THAP4: variants seen among roughly 807,000 people sequenced by gnomAD.
THAP4 encodes peroxynitrite isomerase THAP4.
A neutral mutation model predicts 48.1 loss-of-function variants in THAP4; 18 were observed. That is an observed-to-expected ratio of 0.37 (90% CI 0.26 to 0.56). The LOEUF (loss-of-function observed/expected upper bound fraction) is 0.56, where lower values mean the gene tolerates loss of function less well. Among genes scored for constraint, THAP4 ranks in the 20% least tolerant of loss-of-function variants. The pLI is 0.78. For missense variants in THAP4, 656 were observed against 774.9 expected (o/e 0.85, Z 1.82); for synonymous variants, 345 against 324.9 (o/e 1.06, Z -0.66).
chr2:241,592,958 G>T (rs2067004293), intron 5 of THAP4, among the ~76,000 whole-genome samples: 1 of 152,168 alleles, frequency 6.6e-6, no homozygotes. Flanking sequence ...AAAAGGAAAA[G>T]CTGGCCAGGC....
At chr2:241,599,926 G>T (rs1034521217) in intron 5 of THAP4, among the ~76,000 whole-genome samples, 5 of 152,078 alleles carry the variant, frequency 3.3e-5, no homozygotes, top group Non-Finnish European at 7.4e-5. Context: ...AAAGACAAAC[G>T]AGGCTGGGCA....
At chr2:241,584,777 A>T (rs373601840) in intron 5 of THAP4, 52 bp from the exon 6 acceptor site, 2 of 1,611,066 alleles carry the variant, frequency 1.2e-6, no homozygotes, top group African/African-American at 2.7e-5. Context: ...CAAAAGATTC[A>T]ATCAATGCCT....
chr2:241,597,773 TTC>T (rs1247963680), intron 5 of THAP4, among the ~76,000 whole-genome samples: 1 of 152,188 alleles, frequency 6.6e-6, no homozygotes. Context: ...TGCTTCCAGC[TTC>T]TGTCCATTAA....
chr2:241,607,269 A>T (rs895719616), intron 2 of THAP4, among the ~76,000 whole-genome samples: 3 of 151,762 alleles, frequency 2.0e-5, no homozygotes, highest in African/African-American at 7.3e-5. Context: ...TGCTGGGCGA[A>T]CTCAAAGGGA....
intron 5 of THAP4, among the ~76,000 whole-genome samples, chr2:241,598,775 A>G (rs374488894): frequency 6.6e-6 from 1 of 152,194 alleles, no homozygotes; most frequent in Non-Finnish European, 1.5e-5. Flanking sequence ...AGAGGAAGAC[A>G]AGGGGGAAAA....
At chr2:241,603,217 C>T (rs2067140517) in intron 3 of THAP4, 138 bp from the exon 4 acceptor site, 2 of 666,360 alleles carry the variant, frequency 3.0e-6, no homozygotes. Context: ...CCCCTACCAC[C>T]ACCTTGCTCA....
At chr2:241,603,125 G>A in intron 3 of THAP4, 46 bp from the exon 4 acceptor site, 3 of 1,506,982 alleles carry the variant, frequency 2.0e-6, no homozygotes, top group Non-Finnish European at 2.8e-6. Flanking sequence ...TGGCCTCCAA[G>A]ATGGCGTGGG....
chr2:241,593,739 T>A (rs946270129), intron 5 of THAP4, among the ~76,000 whole-genome samples: 1 of 152,160 alleles, frequency 6.6e-6, no homozygotes, highest in Non-Finnish European at 1.5e-5. Flanking sequence ...CAGGCTGGAG[T>A]GCAGTGGCAC....
At chr2:241,589,642 T>C (rs576744620) in intron 5 of THAP4, among the ~76,000 whole-genome samples, 3 of 152,060 alleles carry the variant, frequency 2.0e-5, no homozygotes, top group Non-Finnish European at 1.5e-5. Flanking sequence ...CTGGAAGAGA[T>C]TGGTGCTTAC....
intron 1 of THAP4, among the ~76,000 whole-genome samples, chr2:241,636,732 G>T (rs975622441): frequency 6.6e-6 from 1 of 151,486 alleles, no homozygotes; most frequent in Non-Finnish European, 1.5e-5. Context: ...GGACCCAGGC[G>T]GCCGGGGTGG....
upstream of THAP4, chr2:241,637,467 C>G: frequency 2.7e-6 from 4 of 1,459,240 alleles, no homozygotes; most frequent in Non-Finnish European, 3.6e-6. Context: ...CACAGTGTCC[C>G]GTCGGACAGC....
At chr2:241,585,635 G>A (rs2066883904) in intron 5 of THAP4, among the ~76,000 whole-genome samples, 2 of 152,126 alleles carry the variant, frequency 1.3e-5, no homozygotes, top group South Asian at 4.2e-4. Context: ...CGGAAGTCAA[G>A]GGGTTCAAGG....
chr2:241,632,109 T>C (rs907156940), intron 2 of THAP4, among the ~76,000 whole-genome samples: 2 of 151,798 alleles, frequency 1.3e-5, no homozygotes, highest in Admixed American at 1.3e-4. Context: ...CTTTTTTTTT[T>C]GGAGACAGAG....
Position 241,601,728 on chromosome 2 carries a change from G to T in THAP4, c.1614+168C>A. The T allele has an allele frequency of 7.6e-7, 1 of 1,321,368 alleles. No individual in the cohort carries two copies. The allele number at this position is 1,321,368 out of a possible 1,614,324, so 81.9% of individuals were successfully genotyped here. The stretch of plus-strand genomic sequence containing the variant: ...CCGAGGAGGGGGCAATGAATTTAGG[G>T]AACATCCACCCTGGATGGTCCGAGA... On this transcript the variant is annotated intron_variant, in intron 5 of 5. Coordinates refer to ENST00000407315, the MANE Select transcript of THAP4 (RefSeq NM_015963.6). This position sits in a 1 kb window ranked among gnomAD's most constrained non-coding sequence, Gnocchi z 4.0.
chr2:241,617,444 G>T (rs1022950362), intron 2 of THAP4: 2 of 1,551,488 alleles, frequency 1.3e-6, no homozygotes, highest in South Asian at 2.4e-5. Flanking sequence ...CCGGACACTC[G>T]TCAAGGTTCC....
rs1030038263 is a variant in THAP4, at chr2:241,585,726, C to T, written c.1615-1001G>A. Among the ~76,000 whole-genome samples, 4 of 151,744 alleles carry T rather than the reference C, an allele frequency of 2.6e-5. No individual in the cohort carries two copies. In the East Asian group the frequency reaches 7.8e-4, roughly 29 times the overall value. ...TCTCAGACTCATGGAGCTGGAGGGA[C>T]AAACACTGGAATTCAGTGTCCATCT... On this transcript the variant is annotated intron_variant, in intron 5 of 5. Transcript: ENST00000407315.
chr2:241,627,627 C>A (rs1231611203), intron 2 of THAP4, among the ~76,000 whole-genome samples: 1 of 152,160 alleles, frequency 6.6e-6, no homozygotes, highest in Non-Finnish European at 1.5e-5. Flanking sequence ...GACAAGTGTG[C>A]GGCGCTTTCC....
chr2:241,594,972 C>A (rs1015980006), intron 5 of THAP4, among the ~76,000 whole-genome samples: 1 of 152,154 alleles, frequency 6.6e-6, no homozygotes, highest in African/African-American at 2.4e-5. Context: ...CTAAAAACCA[C>A]AGAATTGCAC....
At chr2:241,628,511 C>T (rs2067520003) in intron 2 of THAP4, among the ~76,000 whole-genome samples, 1 of 152,022 alleles carries the variant, frequency 6.6e-6, no homozygotes, top group Non-Finnish European at 1.5e-5. Context: ...CTGTAGCTGG[C>T]CTGCTGATCT....
Sources: gnomAD v4.1 joint callset for allele counts (sites outside exome capture counted in the v4.1 genomes callset) on GRCh38, gnomAD v4.1.1 for gene constraint, Gnocchi (gnomAD v3.1) non-coding constraint, MANE v1.5 for transcripts, NCBI Gene and HGNC (gene_info 2026-07-23, HGNC 2026-07-21) for gene names.